The following NTM variants were observed in gnomAD, a reference collection of about 807,000 sequenced individuals.
NTM encodes the protein neurotrimin.
Under a neutral mutation model 42.1 loss-of-function variants are expected in NTM, and 13 were observed. The ratio of observed to expected loss-of-function variants is 0.31; its 90% CI spans 0.20 to 0.49. NTM has a LOEUF of 0.49. Ranked by LOEUF, NTM falls within the 20% of genes least tolerant of loss-of-function variation. The probability of loss-of-function intolerance (pLI) is 0.99; values close to 1 mark genes in which losing one functional copy is unlikely to be tolerated. For synonymous variants in NTM, 187 were observed against 179.2 expected (o/e 1.04, Z -0.35); for missense variants, 373 against 452.8 (o/e 0.82, Z 1.60).
At chr11:131,481,759 C>T (rs1318712226) in intron 1 of NTM, among the ~76,000 whole-genome samples, 1 of 152,132 alleles carries the variant, frequency 6.6e-6, no homozygotes, top group East Asian at 1.9e-4. Context: ...ACAGTACAAT[C>T]TCTGCTTTTG....
rs540725276 is a variant in NTM, at chr11:131,386,758, C to T, written c.82+15870C>T. ...ATGGGAGAGACAGCTGATGAGTGAA[C>T]CAGAGAATCCTGTGCAGTATTAATC... On this transcript the variant is annotated intron_variant, in intron 1 of 8. Transcript: ENST00000683400. 2.6e-5 allele frequency among the ~76,000 whole-genome samples: 4 copies of T among 152,312 alleles called. No individual in the cohort carries two copies. In the South Asian group the frequency reaches 6.2e-4, roughly 24 times the overall value.
chr11:131,702,111 T>A (rs1009330459), intron 1 of NTM, among the ~76,000 whole-genome samples: 35 of 152,078 alleles, frequency 2.3e-4, no homozygotes, highest in Admixed American at 2.0e-4. Flanking sequence ...TCTTCTTTCC[T>A]CTCTACTCAA....
At chr11:131,631,995 G>A (rs1376019919) in intron 1 of NTM, among the ~76,000 whole-genome samples, 2 of 151,948 alleles carry the variant, frequency 1.3e-5, no homozygotes, top group Non-Finnish European at 2.9e-5. Flanking sequence ...TATCCTCAAT[G>A]CTAGATTACT....
At chr11:131,878,641 A>ATATATATATATAT (rs1565667266) in intron 1 of NTM, among the ~76,000 whole-genome samples, 1 of 122,542 alleles carries the variant, frequency 8.2e-6, no homozygotes, top group Non-Finnish European at 1.6e-5. Flanking sequence ...ATATATATAT[A>ATATATATATATAT]ATGTCTTATG....
At chr11:131,519,219 T>C (rs2049283994) in intron 1 of NTM, among the ~76,000 whole-genome samples, 1 of 152,228 alleles carries the variant, frequency 6.6e-6, no homozygotes. Context: ...TCCACTGCCC[T>C]CTTCTCCCAT....
chr11:131,448,345 TC>T (rs1369947444), intron 1 of NTM, among the ~76,000 whole-genome samples: 1 of 152,166 alleles, frequency 6.6e-6, no homozygotes, highest in Non-Finnish European at 1.5e-5. Flanking sequence ...CATGGACTCA[TC>T]CCCAGGGGGT....
intron 1 of NTM, among the ~76,000 whole-genome samples, chr11:131,476,836 C>T (rs548634257): frequency 2.3e-5 from 3 of 131,952 alleles, no homozygotes; most frequent in African/African-American, 8.0e-5. Context: ...GGGCTAAATA[C>T]TATAAGCATT....
intron 4 of NTM, among the ~76,000 whole-genome samples, chr11:132,234,808 T>C (rs2088444935): frequency 6.6e-6 from 1 of 152,264 alleles, no homozygotes; most frequent in Non-Finnish European, 1.5e-5. Context: ...GTTTGAAGTA[T>C]GTGTCATTTA....
intron 1 of NTM, among the ~76,000 whole-genome samples, chr11:131,739,984 A>C (rs1238426325): frequency 6.6e-6 from 1 of 152,228 alleles, no homozygotes; most frequent in Non-Finnish European, 1.5e-5. Flanking sequence ...ATTTTGGTTT[A>C]ATGAAAAAAT....
chr11:132,278,973 T>C (rs929528717), intron 4 of NTM, among the ~76,000 whole-genome samples: 18 of 152,170 alleles, frequency 1.2e-4, no homozygotes, highest in Admixed American at 7.2e-4. Context: ...CAAATCCAAA[T>C]ATCCACAAGA....
intron 2 of NTM, among the ~76,000 whole-genome samples, chr11:132,127,188 G>A (rs2065984361): frequency 6.6e-6 from 1 of 152,134 alleles, no homozygotes; most frequent in Admixed American, 6.5e-5. Flanking sequence ...GCAGAAAAGG[G>A]AGCTCGTTCC....
chr11:131,505,556 A>G lies in NTM; in HGVS notation c.82+134668A>G, dbSNP rs553895918. On this transcript the variant is annotated intron_variant, in intron 1 of 8. Transcript: ENST00000683400. Reference sequence around the variant, plus strand: ...TTCACAGGTGAGGACACTGAGACCTAAACTGGGTGCATAATTTGTCCTGGA... The same window carrying G: ...TTCACAGGTGAGGACACTGAGACCTGAACTGGGTGCATAATTTGTCCTGGA... Among the ~76,000 whole-genome samples, 7 of 152,270 alleles carry G rather than the reference A, an allele frequency of 4.6e-5. No homozygotes were observed. In the South Asian group the frequency reaches 1.2e-3, roughly 27 times the overall value.
intron 1 of NTM, among the ~76,000 whole-genome samples, chr11:131,902,943 T>C (rs1003274329): frequency 2.6e-5 from 4 of 152,204 alleles, no homozygotes; most frequent in African/African-American, 9.6e-5. Context: ...GAATATGCTA[T>C]GAACATATGC....
At chr11:132,127,398 G>A (rs1324453919) in intron 2 of NTM, among the ~76,000 whole-genome samples, 1 of 152,232 alleles carries the variant, frequency 6.6e-6, no homozygotes, top group Non-Finnish European at 1.5e-5. Context: ...GCATAGAGAG[G>A]GATCTGCAGT....
At chr11:131,794,943 T>G (rs2091383835) in intron 1 of NTM, 1 of 985,156 alleles carries the variant, frequency 1.0e-6, no homozygotes, top group Non-Finnish European at 1.2e-6. Flanking sequence ...TAGGGGAACC[T>G]GAACCCGCAT....
At chr11:131,915,797 C>T (rs1176581711) in intron 2 of NTM, among the ~76,000 whole-genome samples, 1 of 152,192 alleles carries the variant, frequency 6.6e-6, no homozygotes, top group African/African-American at 2.4e-5. Flanking sequence ...CTTATAAAAT[C>T]ATCAGATCCT....
At chr11:132,106,961 G>A (rs895547250) in intron 2 of NTM, among the ~76,000 whole-genome samples, 2 of 152,060 alleles carry the variant, frequency 1.3e-5, no homozygotes, top group African/African-American at 4.8e-5. Flanking sequence ...GCCGGTCTTT[G>A]TGAAAGCTTG....
intron 1 of NTM, among the ~76,000 whole-genome samples, chr11:131,584,197 C>T (rs2058659157): frequency 6.6e-6 from 1 of 152,200 alleles, no homozygotes; most frequent in African/African-American, 2.4e-5. Context: ...TGTGCTTTTC[C>T]TAAGGACTTA....
At chr11:132,042,415 T>C (rs968732953) in intron 2 of NTM, among the ~76,000 whole-genome samples, 1 of 152,068 alleles carries the variant, frequency 6.6e-6, no homozygotes, top group Non-Finnish European at 1.5e-5. Context: ...AGAGGAAAAA[T>C]TTGACCAAAC....
Sources: gnomAD v4.1 joint callset for allele counts (sites outside exome capture counted in the v4.1 genomes callset) on GRCh38, gnomAD v4.1.1 for gene constraint, MANE v1.5 for transcripts, NCBI Gene and HGNC (gene_info 2026-07-23, HGNC 2026-07-21) for gene names.